ATP8B4: variants seen among roughly 807,000 people sequenced by gnomAD.
The protein encoded by ATP8B4 is probable phospholipid-transporting ATPase IM.
Under a neutral mutation model 145.6 loss-of-function variants are expected in ATP8B4, and 133 were observed. The ratio of observed to expected loss-of-function variants is 0.91; its 90% CI spans 0.79 to 1.05. The LOEUF is 1.05. Ranked by LOEUF, ATP8B4 falls within the 50% of genes least tolerant of loss-of-function variation. The pLI, the probability that ATP8B4 is intolerant of heterozygous loss-of-function variation, is 0.00. For missense variants in ATP8B4, 1,458 were observed against 1,425.2 expected, an observed-to-expected ratio of 1.02 and a Z score of -0.37; for synonymous variants, 507 against 492.9, an observed-to-expected ratio of 1.03 and a Z score of -0.38.
Position 50,047,347 on chromosome 15 carries a change from T to C in ATP8B4, c.201+4A>G. The C allele has an allele frequency of 1.3e-6, 2 of 1,507,528 alleles. No individual in the cohort carries two copies. The highest frequency in any genetic ancestry group is 1.8e-6 in the Non-Finnish European group (2 of 1,084,624). 93.4% of individuals were successfully genotyped at this position (1,507,528 alleles called of 1,614,324 possible). A position where few individuals can be genotyped will look rare whatever the true frequency, so the allele number is the denominator to read the frequency against. On this transcript the variant is annotated splice_donor_region_variant and intron_variant, in intron 4 of 27. Transcript: ENST00000284509. ...ATAATAGAGAAATACAACCTAAATA[T>C]TACCTGTAAAATCAGAAGGCAAAGA...
At chr15:50,034,405 T>A (rs2050683656) in intron 6 of ATP8B4, among the ~76,000 whole-genome samples, 1 of 152,038 alleles carries the variant, frequency 6.6e-6, no homozygotes, top group South Asian at 2.1e-4. Context: ...AATTTTTGTA[T>A]TTTTGGTAGA....
At position 49,981,156 on chromosome 15, in the gene ATP8B4, A is replaced by G. The variant is rs1012806109; in HGVS notation, c.837+50T>C. On this transcript the variant is annotated intron_variant, in intron 11 of 27. Transcript: ENST00000284509. Reference sequence around the variant, plus strand: ...AAGAATTCCCAGCAAGATTCAGTAAATGTACTAAGATAACAATGACTAGTG... The same window carrying G: ...AAGAATTCCCAGCAAGATTCAGTAAGTGTACTAAGATAACAATGACTAGTG... 5.8e-6 allele frequency: 8 copies of G among 1,383,638 alleles called. No individual in the cohort carries two copies. The African/African-American group carries it at 1.2e-4, about 20-fold the overall frequency. The allele number at this position is 1,383,638 out of a possible 1,614,324, so 85.7% of individuals were successfully genotyped here. A position where few individuals can be genotyped will look rare whatever the true frequency, so the allele number is the denominator to read the frequency against.
intron 2 of ATP8B4, among the ~76,000 whole-genome samples, chr15:50,102,905 G>A (rs1232636476): frequency 6.6e-6 from 1 of 151,950 alleles, no homozygotes; most frequent in Middle Eastern, 3.4e-3. Context: ...ATAATCAAGC[G>A]AGTTTCGTAC....
intron 14 of ATP8B4, among the ~76,000 whole-genome samples, chr15:49,961,107 T>C (rs1343862778): frequency 6.7e-6 from 1 of 149,924 alleles, no homozygotes; most frequent in Non-Finnish European, 1.5e-5. Context: ...CGCTCCAGCC[T>C]GGGCGAAAGA....
chr15:49,953,988 G>A (rs776065823), intron 14 of ATP8B4, among the ~76,000 whole-genome samples: 3 of 152,166 alleles, frequency 2.0e-5, no homozygotes, highest in Admixed American at 6.5e-5. Flanking sequence ...CCTTCTCTCC[G>A]TGGGTCATGC....
In ATP8B4 at chr15:49,979,795, A is replaced by G; in HGVS notation, c.856T>C (p.Cys286Arg). The stretch of plus-strand genomic sequence containing the variant: ...CCTATTGCAAGAATAATTCCCAAGC[A>G]TATCAGAAACCCAAAAATCTGAAAT... ...LVLWIFGFLI[C>R]LGIILAIGNS... The change falls in exon 12 of 28, where the codon TGC (cysteine) becomes CGC (arginine). Residue 286 changes from cysteine to arginine, a missense_variant. By Grantham distance (180) the Cys-to-Arg change is radical. Transcript: ENST00000284509. 6.3e-7 allele frequency: 1 copy of G among 1,590,438 alleles called. No homozygotes were observed. The highest frequency in any genetic ancestry group is 8.6e-7 in the Non-Finnish European group (1 of 1,166,196).
intron 25 of ATP8B4, among the ~76,000 whole-genome samples, chr15:49,868,492 G>T (rs908610430): frequency 6.6e-6 from 1 of 152,144 alleles, no homozygotes; most frequent in Non-Finnish European, 1.5e-5. Flanking sequence ...CAGAAGACAG[G>T]TCATAAAAAT....
Position 49,859,774 on chromosome 15 carries a change from A to G in ATP8B4, c.*420T>C, listed in dbSNP as rs2031290956. 6.2e-6 allele frequency: 1 copy of G among 162,040 alleles called. No homozygotes were observed. Among genetic ancestry groups the G allele is most frequent in the East Asian group, 1.8e-4 (1 of 5,546 alleles). The allele number at this position is 162,040 out of a possible 1,614,324, so 10.0% of individuals were successfully genotyped here. On this transcript the variant is annotated 3_prime_UTR_variant, in exon 28 of 28. Transcript: ENST00000284509. Reference sequence around the variant, plus strand: ...TGGGAAAGGCTGATCTTACAGATACATGTTTATCTGTCAATAGGCATGCTT... The same window carrying G: ...TGGGAAAGGCTGATCTTACAGATACGTGTTTATCTGTCAATAGGCATGCTT...
At position 49,918,948 on chromosome 15, in the gene ATP8B4, T is replaced by C. The variant is rs754218969; in HGVS notation, c.1926A>G (p.Leu642=). ...LYEEIERDLM[L]LGATAVEDKL... ...TATCTTCTACAGCAGTGGCACCTAGTAGCTTTATTGAAAAAGAGAGAAAAG... is the reference window on the plus strand; with the variant it reads ...TATCTTCTACAGCAGTGGCACCTAGCAGCTTTATTGAAAAAGAGAGAAAAG... The change falls in exon 19 of 28, where the codon CTA becomes CTG. Residue 642 remains leucine, a splice_region_variant and synonymous_variant. Transcript: ENST00000284509. 177 of 1,605,398 alleles carry C rather than the reference T, an allele frequency of 1.1e-4. No individual in the cohort carries two copies. The highest frequency in any genetic ancestry group is 1.5e-4 in the Non-Finnish European group (171 of 1,174,218).
At chr15:50,090,152 A>G (rs1050163624) in intron 2 of ATP8B4, among the ~76,000 whole-genome samples, 1 of 152,136 alleles carries the variant, frequency 6.6e-6, no homozygotes, top group Non-Finnish European at 1.5e-5. Context: ...TACAAGTGGG[A>G]GCTGAACAGT....
chr15:49,920,458 A>G, intron 17 of ATP8B4, 48 bp from the exon 18 acceptor site: 3 of 1,523,728 alleles, frequency 2.0e-6, no homozygotes, highest in Non-Finnish European at 8.8e-7. Context: ...AACAATAAGC[A>G]CAGAAATAAC....
At chr15:50,049,565 G>A (rs947648843) in intron 3 of ATP8B4, among the ~76,000 whole-genome samples, 1 of 152,172 alleles carries the variant, frequency 6.6e-6, no homozygotes, top group African/African-American at 2.4e-5. Context: ...TGGGCATCTA[G>A]GTTGACTCCA....
At chr15:49,947,208 G>A (rs962408602) in intron 14 of ATP8B4, among the ~76,000 whole-genome samples, 1 of 152,036 alleles carries the variant, frequency 6.6e-6, no homozygotes, top group African/African-American at 2.4e-5. Flanking sequence ...CAAGGTAGGC[G>A]GATCACGAAG....
At chr15:50,118,113 T>C (rs1016739581) in intron 1 of ATP8B4, among the ~76,000 whole-genome samples, 2 of 152,062 alleles carry the variant, frequency 1.3e-5, no homozygotes, top group Non-Finnish European at 2.9e-5. Context: ...CAATAGATAA[T>C]GATAATTTAT....
chr15:50,019,486 A>C (rs1053866071), intron 6 of ATP8B4, among the ~76,000 whole-genome samples: 1 of 152,236 alleles, frequency 6.6e-6, no homozygotes, highest in African/African-American at 2.4e-5. Flanking sequence ...AGATTCATTA[A>C]AGCATTTTGT....
intron 14 of ATP8B4, among the ~76,000 whole-genome samples, chr15:49,940,498 T>C (rs1252751454): frequency 6.6e-6 from 1 of 152,130 alleles, no homozygotes; most frequent in Non-Finnish European, 1.5e-5. Flanking sequence ...CTCCGCATCA[T>C]GCAATATACC....
At chr15:49,928,472 T>C (rs565986089) in intron 16 of ATP8B4, among the ~76,000 whole-genome samples, 22 of 152,026 alleles carry the variant, frequency 1.4e-4, no homozygotes, top group Non-Finnish European at 2.8e-4. Flanking sequence ...GAAAAGTAGA[T>C]TGAGATCAGA....
chr15:49,933,246 C>A (rs1370203241), intron 15 of ATP8B4, among the ~76,000 whole-genome samples: 2 of 151,690 alleles, frequency 1.3e-5, no homozygotes, highest in Non-Finnish European at 2.9e-5. Context: ...ACAGCACATG[C>A]AATATATTTA....
At chr15:49,909,541 G>C (rs2039006199) in intron 20 of ATP8B4, among the ~76,000 whole-genome samples, 1 of 151,872 alleles carries the variant, frequency 6.6e-6, no homozygotes, top group African/African-American at 2.4e-5. Context: ...ACTAATGCCA[G>C]TGCCAAATGT....
Sources: allele counts gnomAD v4.1 joint callset (sites outside exome capture counted in the v4.1 genomes callset), GRCh38; gene constraint gnomAD v4.1.1; transcripts MANE v1.5; gene names NCBI Gene and HGNC (gene_info 2026-07-23, HGNC 2026-07-21).